Variants in ZMAT1 observed in about 807,000 individuals in gnomAD.
ZMAT1 encodes zinc finger matrin-type 1.
ZMAT1 carries 11 observed loss-of-function variants against 18.5 expected under a neutral mutation model. The observed-to-expected ratio is 0.59, with a 90% CI of 0.37 to 0.98. The LOEUF is 0.98. ZMAT1 is among the 50% of genes least tolerant of loss of function. ZMAT1 has a pLI of 0.01. For synonymous variants in ZMAT1, 211 were observed against 176.4 expected, an observed-to-expected ratio of 1.20 and a Z score of -1.55; for missense variants, 525 against 496.2, an observed-to-expected ratio of 1.06 and a Z score of -0.55.
intron 1 of ZMAT1, among the ~76,000 whole-genome samples, chrX:101,930,686 A>G (rs895516886): frequency 8.9e-6 from 1 of 112,472 alleles, no homozygotes; most frequent in East Asian, 2.8e-4. Context: ...AAGGTAACAC[A>G]GCAAATTCTG....
Position 101,898,055 on chromosome X carries a change from C to A in ZMAT1, c.502-13G>T. 1.7e-6 allele frequency: 2 copies of A among 1,209,763 alleles called. No individual in the cohort carries two copies. Among genetic ancestry groups the A allele is most frequent in the Non-Finnish European group, 2.2e-6 (2 of 893,931 alleles). On this transcript the variant is annotated splice_polypyrimidine_tract_variant and intron_variant, in intron 3 of 5. Coordinates refer to ENST00000651725, the MANE Select transcript of ZMAT1 (RefSeq NM_001394560.1). Reference sequence around the variant, plus strand: ...CATACCTATGCACCTGAAATAGGCACAATCTTGTTAGAAAGATTCAATAAC... The same window carrying A: ...CATACCTATGCACCTGAAATAGGCAAAATCTTGTTAGAAAGATTCAATAAC...
At chrX:101,928,679 T>C (rs1350581553) in intron 1 of ZMAT1, among the ~76,000 whole-genome samples, 1 of 112,696 alleles carries the variant, frequency 8.9e-6, no homozygotes, top group Non-Finnish European at 1.9e-5. Flanking sequence ...TTTCTTATGG[T>C]GGTCTTACTA....
chrX:101,918,358 C>A (rs1432742187), intron 1 of ZMAT1, among the ~76,000 whole-genome samples: 2 of 109,709 alleles, frequency 1.8e-5, no homozygotes, highest in Non-Finnish European at 3.8e-5. Context: ...GTGATCCCAG[C>A]ACTTTGGGAA....
chrX:101,927,245 G>T (rs764286699), intron 1 of ZMAT1, among the ~76,000 whole-genome samples: 29 of 112,061 alleles, frequency 2.6e-4, no homozygotes, highest in Non-Finnish European at 4.1e-4. Flanking sequence ...TAGGAGACTG[G>T]GGAACTGAGT....
intron 1 of ZMAT1, among the ~76,000 whole-genome samples, chrX:101,924,437 G>T (rs957961950): frequency 8.9e-6 from 1 of 112,118 alleles, no homozygotes; most frequent in African/African-American, 3.2e-5. Flanking sequence ...GTGAAACTTG[G>T]TATTGAGATC....
rs781231215 is a variant in ZMAT1 at position 101,883,784 on chromosome X, C to A, written c.1814G>T (p.Gly605Val). The A allele has an allele frequency of 1.1e-4, 131 of 1,207,068 alleles. No individual in the cohort carries two copies. Among genetic ancestry groups the A allele is most frequent in the Non-Finnish European group, 1.4e-4 (124 of 894,414 alleles). The change falls in exon 6 of 6, where the codon GGC (glycine) becomes GTC (valine). Residue 605 changes from glycine to valine, a missense_variant. Coordinates refer to ENST00000651725, the MANE Select transcript of ZMAT1 (RefSeq NM_001394560.1). ...HQKRKRHLEE[G>V]KERPEKEQSK... Reference sequence around the variant, plus strand: ...CTGCTCTTTCTCTGGCCTTTCTTTGCCTTCTTCTAGGTGTCGTTTTCTCTT... The same window carrying A: ...CTGCTCTTTCTCTGGCCTTTCTTTGACTTCTTCTAGGTGTCGTTTTCTCTT...
intron 1 of ZMAT1, among the ~76,000 whole-genome samples, chrX:101,931,120 C>T (rs1930451917): frequency 8.9e-6 from 1 of 111,769 alleles, no homozygotes; most frequent in South Asian, 3.7e-4. Context: ...TCCTAAAATC[C>T]GACAGATCCT....
intron 1 of ZMAT1, among the ~76,000 whole-genome samples, chrX:101,924,511 A>G (rs1187458146): frequency 8.9e-6 from 1 of 112,285 alleles, no homozygotes; most frequent in East Asian, 2.8e-4. Context: ...AATATACAGG[A>G]ATTTCTGATG....
chrX:101,919,620 A>T, intron 1 of ZMAT1, among the ~76,000 whole-genome samples: 1 of 112,106 alleles, frequency 8.9e-6, no homozygotes, highest in Non-Finnish European at 1.9e-5. Flanking sequence ...TCTAAGTGTT[A>T]TAAGACACAA....
At chrX:101,887,348 T>C in intron 4 of ZMAT1, 1 of 550,280 alleles carries the variant, frequency 1.8e-6, no homozygotes, top group African/African-American at 2.5e-5. Context: ...AGTCAAAAGC[T>C]ATACACTGGG....
chrX:101,896,342 AG>A (rs1161163973), intron 4 of ZMAT1, among the ~76,000 whole-genome samples: 2 of 111,911 alleles, frequency 1.8e-5, no homozygotes, highest in African/African-American at 6.5e-5. Context: ...CTACAATTCC[AG>A]TATTTCATAG....
At chrX:101,894,068 T>C (rs1380886355) in intron 4 of ZMAT1, among the ~76,000 whole-genome samples, 2 of 111,703 alleles carry the variant, frequency 1.8e-5, no homozygotes, top group African/African-American at 6.5e-5. Flanking sequence ...TCAAACACTC[T>C]AGTGGTTAAA....
chrX:101,904,785 A>T (rs1360598575), intron 1 of ZMAT1, among the ~76,000 whole-genome samples: 1 of 110,967 alleles, frequency 9.0e-6, no homozygotes, highest in Non-Finnish European at 1.9e-5. Flanking sequence ...TCTAAAAAAA[A>T]AATTAGAAAT....
At chrX:101,925,193 T>C (rs1287526555) in intron 1 of ZMAT1, among the ~76,000 whole-genome samples, 1 of 112,037 alleles carries the variant, frequency 8.9e-6, no homozygotes, top group African/African-American at 3.2e-5. Context: ...ACATTTATGA[T>C]GGTTATTTGA....
chrX:101,923,280 A>C (rs1929845800), intron 1 of ZMAT1, among the ~76,000 whole-genome samples: 1 of 112,169 alleles, frequency 8.9e-6, no homozygotes, highest in South Asian at 3.7e-4. Context: ...AGGATGAGAG[A>C]GACTGCATTA....
chrX:101,922,773 G>A (rs1048129651), intron 1 of ZMAT1, among the ~76,000 whole-genome samples: 3 of 110,626 alleles, frequency 2.7e-5, no homozygotes, highest in African/African-American at 9.9e-5. Flanking sequence ...CGATCCACCC[G>A]ACCCCCAACC....
In ZMAT1 at chrX:101,884,378, C is replaced by T. The variant is rs765131277; in HGVS notation, c.1220G>A (p.Arg407Lys). ...ATGTGAAAATCTTTGCTCACACATTCTTGATCTGGGTCCAGAATCAACCAT... is the reference window on the plus strand; with the variant it reads ...ATGTGAAAATCTTTGCTCACACATTTTTGATCTGGGTCCAGAATCAACCAT... ...REMVDSGPRS[R>K]MCEQRFSHEA... The change falls in exon 6 of 6, where the codon AGA (arginine) becomes AAA (lysine). Residue 407 changes from arginine (R) to lysine (K), a missense_variant. Arg to Lys is a conservative substitution (Grantham distance 26). Transcript: ENST00000651725. The T allele has an allele frequency of 8.3e-7, 1 of 1,211,070 alleles. No homozygotes were observed. The highest frequency in any genetic ancestry group is 1.1e-6 in the Non-Finnish European group (1 of 895,243).
intron 1 of ZMAT1, chrX:101,911,884 TG>T: frequency 1.7e-6 from 2 of 1,206,790 alleles, no homozygotes. Flanking sequence ...TCAGCCAGCA[TG>T]AAAGGACGCA....
At position 101,899,535 on chromosome X, in the gene ZMAT1, A is replaced by G. The variant is rs1233055240; in HGVS notation, c.400-1315T>C. On this transcript the variant is annotated intron_variant, in intron 2 of 5. Coordinates refer to ENST00000651725, the MANE Select transcript of ZMAT1 (RefSeq NM_001394560.1). The stretch of plus-strand genomic sequence containing the variant: ...TGCATCCTCGTAGCTTAGCTCCCAC[A>G]TATCAGAGAGAACATACGATGTTTG... Among the ~76,000 whole-genome samples, 6 of 111,809 alleles carry G rather than the reference A, an allele frequency of 5.4e-5. No homozygotes were observed. In the Admixed American group the frequency reaches 5.7e-4, roughly 11 times the overall value.
Sources: allele counts gnomAD v4.1 joint callset (sites outside exome capture counted in the v4.1 genomes callset), GRCh38; gene constraint gnomAD v4.1.1; transcripts MANE v1.5; gene names NCBI Gene and HGNC (gene_info 2026-07-23, HGNC 2026-07-21).